SOX5: variants seen among roughly 807,000 people sequenced by gnomAD.
SOX5 encodes the protein transcription factor SOX-5.
In SOX5, 9 loss-of-function variants were observed where a neutral mutation model predicts 92.0. The ratio of observed to expected loss-of-function variants is 0.10; its 90% CI spans 0.06 to 0.17. The LOEUF (loss-of-function observed/expected upper bound fraction) is 0.17, where lower values mean the gene tolerates loss of function less well. Ranked by LOEUF, SOX5 falls within the 10% of genes least tolerant of loss-of-function variation. The pLI is 1.00. For synonymous variants in SOX5, 344 were observed against 336.3 expected (o/e 1.02, Z -0.25); for missense variants, 642 against 944.5 (o/e 0.68, Z 4.20).
At chr12:23,918,201 G>A (rs904695228) in intron 1 of SOX5, among the ~76,000 whole-genome samples, 1 of 152,070 alleles carries the variant, frequency 6.6e-6, no homozygotes. Flanking sequence ...CAATACAACT[G>A]TAATATTTTC....
At chr12:23,699,036 A>T (rs1401703697) in intron 6 of SOX5, among the ~76,000 whole-genome samples, 1 of 152,232 alleles carries the variant, frequency 6.6e-6, no homozygotes, top group Non-Finnish European at 1.5e-5. Context: ...TTGGTAGTTT[A>T]CATACATATG....
intron 4 of SOX5, among the ~76,000 whole-genome samples, chr12:24,079,150 A>AG (rs1943016300): frequency 6.6e-6 from 1 of 151,884 alleles, no homozygotes; most frequent in Non-Finnish European, 1.5e-5. Context: ...TTAAATTAAG[A>AG]GAAAAAAAAG....
At chr12:24,018,166 G>T (rs1953875371) in intron 4 of SOX5, among the ~76,000 whole-genome samples, 1 of 152,028 alleles carries the variant, frequency 6.6e-6, no homozygotes, top group South Asian at 2.1e-4. Context: ...TTTCAGCCCA[G>T]CTTCCCTGAC....
At chr12:24,542,543 C>T (rs1952235502) in intron 1 of SOX5, among the ~76,000 whole-genome samples, 1 of 152,184 alleles carries the variant, frequency 6.6e-6, no homozygotes, top group Admixed American at 6.5e-5. Flanking sequence ...TACGATAGGC[C>T]TACCTGGCAC....
intron 4 of SOX5, among the ~76,000 whole-genome samples, chr12:24,064,836 A>T (rs1940384413): frequency 6.6e-6 from 1 of 152,212 alleles, no homozygotes; most frequent in African/African-American, 2.4e-5. Context: ...CTGCTAATAC[A>T]TAAGGATGGG....
intron 2 of SOX5, among the ~76,000 whole-genome samples, chr12:23,868,603 A>T (rs2096840516): frequency 6.6e-6 from 1 of 152,100 alleles, no homozygotes; most frequent in Admixed American, 6.5e-5. Flanking sequence ...AATTCACAGA[A>T]CTTACTTGAC....
intron 2 of SOX5, among the ~76,000 whole-genome samples, chr12:24,327,912 G>C (rs561711938): frequency 6.6e-6 from 1 of 151,608 alleles, no homozygotes; most frequent in African/African-American, 2.4e-5. Context: ...GGCTGGTCTC[G>C]AACTTGTGAC....
intron 2 of SOX5, among the ~76,000 whole-genome samples, chr12:24,330,158 GA>G (rs149356306): frequency 0.063 from 9,507 of 152,032 alleles, 349 homozygotes; most frequent in Non-Finnish European, 0.073. Context: ...AAAAAGAAGA[GA>G]AAAAGGGATT....
chr12:23,762,829 A>G (rs766377748), intron 3 of SOX5, among the ~76,000 whole-genome samples: 16 of 152,162 alleles, frequency 1.1e-4, no homozygotes, highest in Non-Finnish European at 1.8e-4. Flanking sequence ...TCATTACTAC[A>G]TATCAATAAC....
intron 2 of SOX5, among the ~76,000 whole-genome samples, chr12:24,317,156 C>T (rs1375518382): frequency 6.6e-6 from 1 of 152,146 alleles, no homozygotes; most frequent in Non-Finnish European, 1.5e-5. Flanking sequence ...TTGTGTTTAA[C>T]AATGAGCACT....
intron 4 of SOX5, among the ~76,000 whole-genome samples, chr12:23,747,755 A>C (rs1350979452): frequency 6.6e-6 from 1 of 152,004 alleles, no homozygotes; most frequent in Non-Finnish European, 1.5e-5. Context: ...TAATGCCCCG[A>C]AATGCCTCCA....
At chr12:24,387,806 C>A (rs1220042148) in intron 1 of SOX5, among the ~76,000 whole-genome samples, 1 of 152,122 alleles carries the variant, frequency 6.6e-6, no homozygotes, top group East Asian at 1.9e-4. Context: ...CTTTCTTTTT[C>A]TTCTGTCACT....
intron 3 of SOX5, among the ~76,000 whole-genome samples, chr12:23,818,429 C>G: frequency 6.6e-6 from 1 of 152,172 alleles, no homozygotes; most frequent in South Asian, 2.1e-4. Flanking sequence ...AAAAGTGATA[C>G]ACATATATAG....
intron 2 of SOX5, among the ~76,000 whole-genome samples, chr12:24,279,078 A>G (rs567078663): frequency 8.5e-5 from 13 of 152,192 alleles, no homozygotes; most frequent in South Asian, 6.2e-4. Flanking sequence ...GAACATGAAA[A>G]ACTTGAATTA....
chr12:24,454,555 G>A (rs750653160), intron 1 of SOX5, among the ~76,000 whole-genome samples: 13 of 152,058 alleles, frequency 8.5e-5, no homozygotes, highest in African/African-American at 1.9e-4. Flanking sequence ...AAGTATTTAC[G>A]GGAATCGCTT....
intron 4 of SOX5, among the ~76,000 whole-genome samples, chr12:23,993,759 C>G (rs920545691): frequency 1.3e-5 from 2 of 152,136 alleles, no homozygotes; most frequent in African/African-American, 2.4e-5. Context: ...TGGAGTGTCT[C>G]ACACCTGTAA....
chr12:23,842,886 G>A (rs1051675071), intron 3 of SOX5, among the ~76,000 whole-genome samples: 1 of 152,108 alleles, frequency 6.6e-6, no homozygotes, highest in African/African-American at 2.4e-5. Context: ...CTTGTACAGA[G>A]CTCCTCCGCT....
intron 4 of SOX5, among the ~76,000 whole-genome samples, chr12:24,158,511 A>G (rs1296701967): frequency 6.6e-6 from 1 of 152,008 alleles, no homozygotes; most frequent in Non-Finnish European, 1.5e-5. Flanking sequence ...AAATCACAGT[A>G]ATCTTTATGC....
At chr12:24,127,044 A>C (rs968319805) in intron 4 of SOX5, among the ~76,000 whole-genome samples, 1 of 151,960 alleles carries the variant, frequency 6.6e-6, no homozygotes, top group African/African-American at 2.4e-5. Flanking sequence ...TTAACATAAG[A>C]TTGCACATTA....
Sources: gnomAD v4.1 joint callset for allele counts (sites outside exome capture counted in the v4.1 genomes callset) on GRCh38, gnomAD v4.1.1 for gene constraint, MANE v1.5 for transcripts, NCBI Gene and HGNC (gene_info 2026-07-23, HGNC 2026-07-21) for gene names.